The following FOXN3 variants were observed in gnomAD, a reference collection of about 807,000 sequenced individuals.
FOXN3 encodes forkhead box protein N3.
FOXN3 carries 7 observed loss-of-function variants against 38.4 expected under a neutral mutation model. That is an observed-to-expected ratio of 0.18 (90% confidence interval 0.10 to 0.34). The LOEUF (loss-of-function observed/expected upper bound fraction) is 0.34, where lower values mean the gene tolerates loss of function less well. Among genes scored for constraint, FOXN3 ranks in the 10% least tolerant of loss-of-function variants. The pLI, the probability that FOXN3 is intolerant of heterozygous loss-of-function variation, is 1.00. For synonymous variants in FOXN3, 230 were observed against 242.2 expected, an observed-to-expected ratio of 0.95 and a Z score of 0.47; for missense variants, 456 against 613.4, an observed-to-expected ratio of 0.74 and a Z score of 2.71.
chr14:89,427,026 G>A lies in FOXN3; in HGVS notation c.-14-14536C>T, dbSNP rs1048546851. 2.0e-5 allele frequency among the ~76,000 whole-genome samples: 3 copies of A among 151,996 alleles called. 1 individual carries two copies. The highest frequency in any genetic ancestry group is 1.5e-5 in the Non-Finnish European group (1 of 67,958). On this transcript the variant is annotated intron_variant, in intron 1 of 6. Transcript: ENST00000345097. ...GCGGGTGGATCACTTGAGGTCAGGA[G>A]TTCGAGACCAGCCTGGCCAACATGG... is the stretch of plus-strand genomic sequence containing the variant.
intron 1 of FOXN3, among the ~76,000 whole-genome samples, chr14:89,427,301 C>CT (rs34755821): frequency 0.37 from 25,028 of 67,464 alleles, 7,145 homozygotes; most frequent in Non-Finnish European, 0.49. Context: ...GAAAAGGGGA[C>CT]TTTTTTTTTT....
intron 1 of FOXN3, among the ~76,000 whole-genome samples, chr14:89,570,981 C>T (rs1282305814): frequency 6.6e-6 from 1 of 152,126 alleles, no homozygotes; most frequent in African/African-American, 2.4e-5. Flanking sequence ...TATAACTATC[C>T]AGAATGACCT....
chr14:89,465,917 T>C (rs61996470), intron 1 of FOXN3, among the ~76,000 whole-genome samples: 24 of 152,248 alleles, frequency 1.6e-4, no homozygotes, highest in Admixed American at 3.9e-4. Flanking sequence ...CATAAAACAG[T>C]GTCCTTTAAG....
intron 1 of FOXN3, among the ~76,000 whole-genome samples, chr14:89,428,845 G>A (rs1892100192): frequency 6.6e-6 from 1 of 152,226 alleles, no homozygotes. Flanking sequence ...AGGTGGGCAT[G>A]CCACGGTGTC....
chr14:89,179,273 T>A (rs771716969), intron 5 of FOXN3, among the ~76,000 whole-genome samples: 3 of 152,232 alleles, frequency 2.0e-5, no homozygotes, highest in Non-Finnish European at 4.4e-5. Flanking sequence ...TCAGAACCTA[T>A]AGACCTTTGC....
At chr14:89,518,782 T>C (rs776118933) in intron 1 of FOXN3, among the ~76,000 whole-genome samples, 1 of 152,160 alleles carries the variant, frequency 6.6e-6, no homozygotes, top group Non-Finnish European at 1.5e-5. Flanking sequence ...TTTGGGAGGC[T>C]GAGGCCATTG....
chr14:89,500,922 T>G (rs1367567880), intron 1 of FOXN3, among the ~76,000 whole-genome samples: 2 of 152,258 alleles, frequency 1.3e-5, no homozygotes, highest in Non-Finnish European at 2.9e-5. Flanking sequence ...CTCCTTTTCA[T>G]TCTGAAATTA....
At chr14:89,586,021 G>A (rs924099354) in intron 1 of FOXN3, among the ~76,000 whole-genome samples, 2 of 152,076 alleles carry the variant, frequency 1.3e-5, no homozygotes, top group African/African-American at 2.4e-5. Context: ...ATCTCACTAC[G>A]TATGTATGTG....
At chr14:89,616,644 C>T (rs61996554) in intron 1 of FOXN3, among the ~76,000 whole-genome samples, 14,699 of 152,048 alleles carry the variant, frequency 0.097, 1,053 homozygotes, top group East Asian at 0.27. Flanking sequence ...TAACTTCCCC[C>T]GATGAATCCT....
upstream of FOXN3, among the ~76,000 whole-genome samples, chr14:89,421,699 GTA>G (rs2140106986): frequency 6.7e-6 from 1 of 148,540 alleles, no homozygotes; most frequent in East Asian, 2.1e-4. Flanking sequence ...GCTAATTTTT[GTA>G]TTTTTTTAGT....
intron 2 of FOXN3, among the ~76,000 whole-genome samples, chr14:89,393,536 G>A (rs1250665157): frequency 1.3e-5 from 2 of 152,206 alleles, no homozygotes; most frequent in Non-Finnish European, 2.9e-5. Context: ...TGCTGAGGGT[G>A]AGCGTTGTTG....
intron 3 of FOXN3, among the ~76,000 whole-genome samples, chr14:89,336,808 A>G (rs1888474800): frequency 1.3e-5 from 2 of 152,254 alleles, no homozygotes; most frequent in Admixed American, 1.3e-4. Context: ...AGAAGCCTAG[A>G]ATATCGGATG....
At chr14:89,356,869 A>G (rs1054314538) in intron 2 of FOXN3, among the ~76,000 whole-genome samples, 6 of 152,270 alleles carry the variant, frequency 3.9e-5, no homozygotes, top group Admixed American at 3.3e-4. Flanking sequence ...ACAGACTGTA[A>G]TACCTGCTAG....
chr14:89,455,047 C>G (rs17798879), intron 1 of FOXN3, among the ~76,000 whole-genome samples: 2 of 152,254 alleles, frequency 1.3e-5, no homozygotes, highest in African/African-American at 4.8e-5. Flanking sequence ...GCTTGAGAAG[C>G]GGCCAGTGTA....
intron 2 of FOXN3, among the ~76,000 whole-genome samples, chr14:89,369,874 T>C (rs943658951): frequency 6.6e-6 from 1 of 152,180 alleles, no homozygotes; most frequent in African/African-American, 2.4e-5. Context: ...TATCAGAAAG[T>C]AAAGTTCAGA....
intron 4 of FOXN3, among the ~76,000 whole-genome samples, chr14:89,202,087 C>A (rs914116444): frequency 1.3e-5 from 2 of 152,216 alleles, no homozygotes; most frequent in African/African-American, 4.8e-5. Context: ...CAGAACCCTG[C>A]CATCAGTGCT....
Position 89,412,331 on chromosome 14 carries a change from C to A in FOXN3, c.146G>T (p.Arg49Leu). The change falls in exon 2 of 6, where the codon CGA becomes CTA. Residue 49 changes from arginine to leucine, a missense_variant. By Grantham distance (102) the Arg-to-Leu change is moderately radical. Coordinates refer to ENST00000557258, the MANE Select transcript of FOXN3 (RefSeq NM_005197.4). The surrounding 1 kb of genome is among the most constrained non-coding windows in gnomAD (Gnocchi z 4.7). The stretch of plus-strand genomic sequence containing the variant: ...ATCTTCCATGGCCCCCTCTTCTAAT[C>A]GGATGTCAGGCAGAGAAAAGTCGAG... ...DDLDFSLPDI[R>L]LEEGAMEDEE... The A allele has an allele frequency of 1.9e-6, 3 of 1,614,144 alleles. No homozygotes were observed. Among genetic ancestry groups the A allele is most frequent in the South Asian group, 1.1e-5 (1 of 91,082 alleles).
intron 4 of FOXN3, among the ~76,000 whole-genome samples, chr14:89,181,636 C>T (rs966874778): frequency 2.0e-5 from 3 of 152,154 alleles, no homozygotes; most frequent in Non-Finnish European, 4.4e-5. Context: ...TCCCCTTTCA[C>T]CAGCAACCAT....
At chr14:89,354,072 G>A (rs1889092348) in intron 2 of FOXN3, among the ~76,000 whole-genome samples, 1 of 152,004 alleles carries the variant, frequency 6.6e-6, no homozygotes, top group Admixed American at 6.5e-5. Context: ...AAGTTTCTTA[G>A]GCCAGGAAAA....
Sources: allele counts gnomAD v4.1 joint callset (sites outside exome capture counted in the v4.1 genomes callset), GRCh38; gene constraint gnomAD v4.1.1; non-coding constraint Gnocchi (gnomAD v3.1); transcripts MANE v1.5; gene names NCBI Gene and HGNC (gene_info 2026-07-23, HGNC 2026-07-21).